Variants in SEMA3A observed in about 807,000 individuals in gnomAD.
SEMA3A encodes semaphorin-3A.
SEMA3A carries 29 observed loss-of-function variants against 97.9 expected under a neutral mutation model. That is an observed-to-expected ratio of 0.30 (90% CI 0.22 to 0.40). The LOEUF is 0.40. SEMA3A is among the 10% of genes least tolerant of loss of function. The probability of loss-of-function intolerance (pLI) is 1.00; values close to 1 mark genes in which losing one functional copy is unlikely to be tolerated. For synonymous variants in SEMA3A, 321 were observed against 323.7 expected, an observed-to-expected ratio of 0.99 and a Z score of 0.09; for missense variants, 763 against 951.3, an observed-to-expected ratio of 0.80 and a Z score of 2.60.
At chr7:84,083,523 A>G (rs1053118820) in intron 4 of SEMA3A, among the ~76,000 whole-genome samples, 1 of 151,918 alleles carries the variant, frequency 6.6e-6, no homozygotes, top group East Asian at 1.9e-4. Context: ...AAGTCCTCCT[A>G]TTGCTCTATC....
At chr7:84,268,960 C>A (rs1800078235) in intron 3 of SEMA3A, among the ~76,000 whole-genome samples, 1 of 152,120 alleles carries the variant, frequency 6.6e-6, no homozygotes, top group Admixed American at 6.6e-5. Flanking sequence ...CCTCCTCCTG[C>A]TAGCAAAATA....
intron 1 of SEMA3A, among the ~76,000 whole-genome samples, chr7:84,465,201 A>T (rs1433827070): frequency 6.6e-6 from 1 of 152,192 alleles, no homozygotes; most frequent in Admixed American, 6.5e-5. Flanking sequence ...ATATACAACC[A>T]GTGTTTTCTA....
chr7:84,360,733 A>G (rs1190441602), intron 2 of SEMA3A, among the ~76,000 whole-genome samples: 1 of 152,056 alleles, frequency 6.6e-6, no homozygotes, highest in Non-Finnish European at 1.5e-5. Flanking sequence ...GGAATAGAGT[A>G]AACCATACAT....
intron 4 of SEMA3A, among the ~76,000 whole-genome samples, chr7:84,093,189 C>T (rs1794649639): frequency 6.6e-6 from 1 of 152,106 alleles, no homozygotes; most frequent in Non-Finnish European, 1.5e-5. Context: ...ACAAGATAAA[C>T]ACAAAAATAA....
chr7:84,127,802 A>C (rs1584005941), intron 3 of SEMA3A, among the ~76,000 whole-genome samples: 1 of 152,300 alleles, frequency 6.6e-6, no homozygotes, highest in East Asian at 1.9e-4. Context: ...TGTCGCTTGA[A>C]AATATCTATG....
chr7:84,341,639 C>T lies in SEMA3A; in HGVS notation c.-169+30185G>A, dbSNP rs542364910. On this transcript the variant is annotated intron_variant, in intron 2 of 3. Transcript: ENST00000424555. ...CCCTCTGTCTCTACTTCTGCCCGAA[C>T]AGTATCTATCTAAGCCTTCAGCCTT... Among the ~76,000 whole-genome samples the T allele has an allele frequency of 1.4e-3, 206 of 152,220 alleles. 3 individuals carry two copies. The highest frequency in any genetic ancestry group is 1.3e-3 in the Non-Finnish European group (91 of 68,016).
intron 1 of SEMA3A, among the ~76,000 whole-genome samples, chr7:84,376,873 T>A (rs1803118783): frequency 6.6e-6 from 1 of 152,008 alleles, no homozygotes; most frequent in Admixed American, 6.6e-5. Context: ...TATGTATGTA[T>A]GTATGTTGCT....
intron 12 of SEMA3A, among the ~76,000 whole-genome samples, chr7:83,998,025 T>G (rs932186264): frequency 1.8e-4 from 27 of 152,022 alleles, no homozygotes; most frequent in Admixed American, 1.7e-3. Flanking sequence ...TGTGAGCCAC[T>G]GCACAATATC....
chr7:84,223,286 T>C (rs923051262), intron 3 of SEMA3A, among the ~76,000 whole-genome samples: 1 of 151,796 alleles, frequency 6.6e-6, no homozygotes, highest in Non-Finnish European at 1.5e-5. Context: ...TCTCTCCATA[T>C]AGAGGTGTGT....
intron 3 of SEMA3A, among the ~76,000 whole-genome samples, chr7:84,281,717 T>C (rs1800444105): frequency 6.6e-6 from 1 of 152,198 alleles, no homozygotes; most frequent in South Asian, 2.1e-4. Flanking sequence ...CCATCTCTGT[T>C]GCTCATTAAC....
chr7:84,110,483 C>T lies in SEMA3A; in HGVS notation c.440G>A (p.Gly147Glu), dbSNP rs1353490966. 6.2e-7 allele frequency: 1 copy of T among 1,613,758 alleles called. No individual in the cohort carries two copies. The highest frequency in any genetic ancestry group is 1.3e-5 in the African/African-American group (1 of 74,914). Residue 147 changes from glycine (G) to glutamate (E), a missense_variant, in exon 4 of 17, where the codon GGA (glycine) becomes GAA (glutamate). Physicochemically the swap from Gly to Glu is moderately conservative, Grantham distance 98 (BLOSUM62 -2). This residue lies in a region of SEMA3A where 678 missense variants were observed against 881.3 expected (regional missense o/e 0.77). Transcript: ENST00000265362. ...FHPICTYIEI[G>E]HHPEDNIFKL... The stretch of plus-strand genomic sequence containing the variant: ...AGCCAGCGTTACCTCAGGATGATGT[C>T]CAATTTCAATGTAGGTGCAAATTGG...
chr7:84,303,205 A>G lies in SEMA3A; in HGVS notation c.-83+4002T>C, dbSNP rs543462195. Among the ~76,000 whole-genome samples the G allele has an allele frequency of 9.2e-5, 14 of 152,018 alleles. No individual in the cohort carries two copies. In the East Asian group the frequency reaches 1.4e-3, roughly 15 times the overall value. On this transcript the variant is annotated intron_variant, in intron 3 of 3. Coordinates refer to the SEMA3A transcript ENST00000424555. ...TCGGGGCAAAACCAAGCCTCTAAGC[A>G]CTCTTTATGACCCTGTGGGCACTAA... is the stretch of plus-strand genomic sequence containing the variant.
At chr7:84,379,795 G>A (rs1803209120) in intron 1 of SEMA3A, among the ~76,000 whole-genome samples, 1 of 152,144 alleles carries the variant, frequency 6.6e-6, no homozygotes. Context: ...CAAAGTATTG[G>A]TGGCTTTTTC....
chr7:84,374,323 C>T (rs559086361), intron 1 of SEMA3A, among the ~76,000 whole-genome samples: 49 of 152,276 alleles, frequency 3.2e-4, no homozygotes, highest in African/African-American at 8.7e-4. Context: ...CACTGATGCA[C>T]TGCTGATAAT....
At chr7:84,233,592 T>G (rs1040791026) in intron 3 of SEMA3A, among the ~76,000 whole-genome samples, 2 of 151,970 alleles carry the variant, frequency 1.3e-5, no homozygotes, top group Non-Finnish European at 2.9e-5. Flanking sequence ...AATTTAAAGA[T>G]AATAGAAAAG....
At chr7:84,209,109 C>A (rs1584127422) in intron 3 of SEMA3A, among the ~76,000 whole-genome samples, 1 of 152,194 alleles carries the variant, frequency 6.6e-6, no homozygotes, top group Non-Finnish European at 1.5e-5. Context: ...AGAAACATCA[C>A]TTTTCATACT....
At chr7:84,486,782 A>T (rs987807774) in intron 1 of SEMA3A, among the ~76,000 whole-genome samples, 1 of 152,178 alleles carries the variant, frequency 6.6e-6, no homozygotes, top group South Asian at 2.1e-4. Flanking sequence ...TCGCATAGTT[A>T]ATAGCATTTA....
chr7:84,130,546 G>T (rs1795933100), intron 2 of SEMA3A, among the ~76,000 whole-genome samples: 1 of 152,006 alleles, frequency 6.6e-6, no homozygotes, highest in Non-Finnish European at 1.5e-5. Flanking sequence ...TAGTTGAGTT[G>T]TTCCACAGGC....
At chr7:84,442,446 C>T (rs1330980557) in intron 1 of SEMA3A, among the ~76,000 whole-genome samples, 1 of 151,524 alleles carries the variant, frequency 6.6e-6, no homozygotes, top group Non-Finnish European at 1.5e-5. Flanking sequence ...CCCATTATAA[C>T]AATACAGAAG....
Sources: allele counts gnomAD v4.1 joint callset (sites outside exome capture counted in the v4.1 genomes callset), GRCh38; gene constraint gnomAD v4.1.1; regional missense constraint gnomAD v4.1.1; transcripts MANE v1.5; gene names NCBI Gene and HGNC (gene_info 2026-07-23, HGNC 2026-07-21).